The following FMN2 variants were observed in gnomAD, a reference collection of about 807,000 sequenced individuals.
FMN2 encodes formin-2.
A neutral mutation model predicts 142.3 loss-of-function variants in FMN2; 51 were observed. The ratio of observed to expected loss-of-function variants is 0.36; its 90% CI spans 0.29 to 0.45. The LOEUF (loss-of-function observed/expected upper bound fraction) is 0.45, where lower values mean the gene tolerates loss of function less well. FMN2 is among the 20% of genes least tolerant of loss of function. The pLI is 1.00. For missense variants in FMN2, 1,936 were observed against 2,122.8 expected, an observed-to-expected ratio of 0.91 and a Z score of 1.73; for synonymous variants, 882 against 869.8, an observed-to-expected ratio of 1.01 and a Z score of -0.25.
intron 13 of FMN2, among the ~76,000 whole-genome samples, chr1:240,347,713 C>T (rs1488229519): frequency 1.3e-5 from 2 of 152,098 alleles, no homozygotes; most frequent in South Asian, 4.1e-4. Context: ...CTCTAATAGA[C>T]CCCAGCGTTG....
intron 1 of FMN2, among the ~76,000 whole-genome samples, chr1:240,094,844 A>G (rs1265989825): frequency 1.3e-5 from 2 of 152,216 alleles, no homozygotes; most frequent in African/African-American, 2.4e-5. Context: ...TTCTCGGCAC[A>G]GACAGCGACT....
At position 240,293,571 on chromosome 1, in the gene FMN2, C is replaced by T. The variant is rs544043314; in HGVS notation, c.4154-1251C>T. Among the ~76,000 whole-genome samples the T allele has an allele frequency of 1.7e-4, 26 of 152,126 alleles. 1 individual carries two copies. In the South Asian group the frequency reaches 5.2e-3, roughly 30 times the overall value. ...TTTTAATTAATTTTTGAAATATAGTCAAAGGTATTTGGACTGTGCCTTTAC... is the reference window on the plus strand; with the variant it reads ...TTTTAATTAATTTTTGAAATATAGTTAAAGGTATTTGGACTGTGCCTTTAC... On this transcript the variant is annotated intron_variant, in intron 7 of 17. Transcript: ENST00000319653.
intron 7 of FMN2, among the ~76,000 whole-genome samples, chr1:240,264,847 G>C (rs1668746228): frequency 6.6e-6 from 1 of 152,068 alleles, no homozygotes; most frequent in African/African-American, 2.4e-5. Context: ...CTATTGGTTT[G>C]AACTTTGCTT....
intron 8 of FMN2, among the ~76,000 whole-genome samples, chr1:240,307,511 C>T (rs1670451245): frequency 6.6e-6 from 1 of 152,186 alleles, no homozygotes; most frequent in African/African-American, 2.4e-5. Flanking sequence ...TGTCCTTTCT[C>T]CATTGTTTAT....
intron 15 of FMN2, among the ~76,000 whole-genome samples, chr1:240,416,634 T>C (rs994776118): frequency 6.6e-6 from 1 of 152,172 alleles, no homozygotes; most frequent in Non-Finnish European, 1.5e-5. Context: ...ATGTCCCTTG[T>C]TGATATTTAT....
rs151240534 is a variant in FMN2 at position 240,231,629 on chromosome 1, G to A, written c.4065+20394G>A. 4.5e-3 allele frequency among the ~76,000 whole-genome samples: 680 copies of A among 152,342 alleles called. 6 individuals are homozygous for A. The highest frequency in any genetic ancestry group is 0.016 in the African/African-American group (665 of 41,578). On this transcript the variant is annotated intron_variant, in intron 6 of 17. Transcript: ENST00000319653. ...TGGCATGATTTGTGAGGGGCTTGTAGTAGGTACAGTGGTGACTTGAAATAA... is the reference window on the plus strand; with the variant it reads ...TGGCATGATTTGTGAGGGGCTTGTAATAGGTACAGTGGTGACTTGAAATAA...
chr1:240,265,668 T>A (rs570559311), intron 7 of FMN2, among the ~76,000 whole-genome samples: 6 of 152,252 alleles, frequency 3.9e-5, no homozygotes, highest in African/African-American at 1.4e-4. Context: ...CAAGACAGAT[T>A]TGAATCTCAG....
At chr1:240,446,992 A>G (rs572871880) in intron 16 of FMN2, among the ~76,000 whole-genome samples, 4 of 152,342 alleles carry the variant, frequency 2.6e-5, no homozygotes, top group Admixed American at 2.6e-4. Context: ...TAGCAGCCTT[A>G]GGGCAAATGG....
At position 240,451,897 on chromosome 1, in the gene FMN2, T is replaced by C. The variant is rs754371683; in HGVS notation, c.5060+13687T>C. Among the ~76,000 whole-genome samples, 4 of 152,258 alleles carry C rather than the reference T, an allele frequency of 2.6e-5. No individual in the cohort carries two copies. In the East Asian group the frequency reaches 7.7e-4, roughly 29 times the overall value. On this transcript the variant is annotated intron_variant, in intron 16 of 17. Transcript: ENST00000319653. Reference sequence around the variant, plus strand: ...TTTATAATGGACATCTAAAGTGGGCTGCATTTACCATGACTCTGAAAAATA... The same window carrying C: ...TTTATAATGGACATCTAAAGTGGGCCGCATTTACCATGACTCTGAAAAATA...
chr1:240,188,685 A>G (rs1224966616), intron 4 of FMN2, among the ~76,000 whole-genome samples: 3 of 152,224 alleles, frequency 2.0e-5, no homozygotes, highest in Non-Finnish European at 2.9e-5. Context: ...TGAAACATTA[A>G]TTAGTATCTG....
At chr1:240,138,860 G>A (rs189466548) in intron 2 of FMN2, among the ~76,000 whole-genome samples, 18 of 152,206 alleles carry the variant, frequency 1.2e-4, no homozygotes, top group Middle Eastern at 3.4e-3. Context: ...TACCACAATA[G>A]TTAATTAATA....
intron 15 of FMN2, among the ~76,000 whole-genome samples, chr1:240,402,533 C>T (rs1674026451): frequency 1.3e-5 from 2 of 152,364 alleles, no homozygotes; most frequent in South Asian, 4.1e-4. Context: ...GATGATTTCA[C>T]TGGGCAAGCC....
intron 7 of FMN2, among the ~76,000 whole-genome samples, chr1:240,279,512 G>A (rs1669326415): frequency 6.6e-6 from 1 of 152,158 alleles, no homozygotes; most frequent in Non-Finnish European, 1.5e-5. Flanking sequence ...GGACAGCACA[G>A]TAAATAGAAG....
rs141912031 is a variant in FMN2 at position 240,207,766 on chromosome 1, G to A, written c.2954G>A (p.Gly985Asp). ...IPPPPPLPGAGIPPPPPLPGA... is the reference protein window; with the variant it reads ...IPPPPPLPGADIPPPPPLPGA... ...CCTCCACCCCCTCTACCCGGAGCGG[G>A]CATACCCCCTCCTCCCCCACTTCCC... Residue 985 changes from glycine to aspartate, a missense_variant, in exon 5 of 18, where the codon GGC becomes GAC. Gly to Asp is a moderately conservative substitution (Grantham distance 94, BLOSUM62 -1). Around this residue, in one of 8 missense-constraint regions of FMN2, gnomAD observed 63 missense variants for 86.3 expected, o/e 0.73. Transcript: ENST00000319653. 8.3e-6 allele frequency: 12 copies of A among 1,451,630 alleles called. No individual in the cohort carries two copies. In the African/African-American group the frequency reaches 1.6e-4, roughly 20 times the overall value. The allele number at this position is 1,451,630 out of a possible 1,614,324, so 89.9% of individuals were successfully genotyped here. A position where few individuals can be genotyped will look rare whatever the true frequency, so the allele number is the denominator to read the frequency against.
intron 1 of FMN2, among the ~76,000 whole-genome samples, chr1:240,102,864 ATT>A (rs112563396): frequency 4.3e-4 from 59 of 138,350 alleles, no homozygotes; most frequent in Admixed American, 4.4e-4. Flanking sequence ...TGATCCTTTA[ATT>A]TTTTTTTTTT....
chr1:240,464,683 C>T (rs1676555918), intron 16 of FMN2, among the ~76,000 whole-genome samples: 1 of 152,046 alleles, frequency 6.6e-6, no homozygotes, highest in African/African-American at 2.4e-5. Context: ...GTGTGTAAGG[C>T]ATCCGTGCTG....
intron 2 of FMN2, chr1:240,143,445 C>T (rs1333391147): frequency 6.8e-7 from 1 of 1,461,480 alleles, no homozygotes; most frequent in African/African-American, 1.4e-5. Flanking sequence ...GATGTGCTCC[C>T]ATGTCAGCAG....
intron 2 of FMN2, chr1:240,170,218 G>T: frequency 7.9e-7 from 1 of 1,269,486 alleles, no homozygotes; most frequent in East Asian, 2.4e-5. Flanking sequence ...CTGGGAGGCT[G>T]GAAAGCCTCT....
chr1:240,146,168 G>C (rs1663460684), intron 2 of FMN2, among the ~76,000 whole-genome samples: 1 of 151,192 alleles, frequency 6.6e-6, no homozygotes, highest in African/African-American at 2.4e-5. Flanking sequence ...CAGATCACGA[G>C]GTCAGGAGAT....
Sources: allele counts gnomAD v4.1 joint callset (sites outside exome capture counted in the v4.1 genomes callset), GRCh38; gene constraint gnomAD v4.1.1; regional missense constraint gnomAD v4.1.1; transcripts MANE v1.5; gene names NCBI Gene and HGNC (gene_info 2026-07-23, HGNC 2026-07-21).